TBC1D14: variants seen among roughly 807,000 people sequenced by gnomAD.
TBC1D14 encodes the protein TBC1 domain family member 14.
TBC1D14 carries 26 observed loss-of-function variants against 79.0 expected under a neutral mutation model. That is an observed-to-expected ratio of 0.33 (90% CI 0.24 to 0.46). The LOEUF is 0.46. Ranked by LOEUF, TBC1D14 falls within the 20% of genes least tolerant of loss-of-function variation. TBC1D14 has a pLI of 1.00. For synonymous variants in TBC1D14, 394 were observed against 349.9 expected (o/e 1.13, Z -1.40); for missense variants, 769 against 887.6 (o/e 0.87, Z 1.70).
chr4:6,959,025 A>G (rs1023877969), intron 2 of TBC1D14, among the ~76,000 whole-genome samples: 1 of 152,102 alleles, frequency 6.6e-6, no homozygotes, highest in Non-Finnish European at 1.5e-5. Flanking sequence ...CTGGGACTAC[A>G]GGCGCCTGCC....
At chr4:6,975,166 G>T (rs1044066893) in intron 3 of TBC1D14, among the ~76,000 whole-genome samples, 5 of 151,532 alleles carry the variant, frequency 3.3e-5, no homozygotes, top group Non-Finnish European at 7.4e-5. Context: ...CGCCCATCTT[G>T]GCCTCCCAAA....
At chr4:6,967,260 G>T in intron 2 of TBC1D14, 44 bp from the exon 3 acceptor site, 1 of 1,602,738 alleles carries the variant, frequency 6.2e-7, no homozygotes, top group South Asian at 1.1e-5. Flanking sequence ...GGTGTTTCTT[G>T]AATTACCCAG....
intron 2 of TBC1D14, among the ~76,000 whole-genome samples, chr4:6,955,338 C>T (rs909553746): frequency 6.6e-6 from 1 of 152,222 alleles, no homozygotes; most frequent in Non-Finnish European, 1.5e-5. Context: ...TATGTCCCTT[C>T]AGGAGGAAGC....
At chr4:6,959,131 C>T (rs1043551742) in intron 2 of TBC1D14, among the ~76,000 whole-genome samples, 26 of 152,090 alleles carry the variant, frequency 1.7e-4, no homozygotes, top group Admixed American at 1.6e-3. Context: ...GTGATCCGCC[C>T]GCCTCGGCCT....
chr4:6,988,544 C>T (rs1305499655), intron 3 of TBC1D14, among the ~76,000 whole-genome samples: 2 of 152,242 alleles, frequency 1.3e-5, no homozygotes, highest in Admixed American at 6.5e-5. Context: ...TAGTTCAAGT[C>T]AGTCTTTTGA....
At chr4:6,995,528 T>G (rs1718933040) in intron 4 of TBC1D14, 1 of 152,152 alleles carries the variant, frequency 6.6e-6, no homozygotes, top group South Asian at 2.1e-4. Context: ...TTTTTTTTTT[T>G]TTGAGATGGA....
Position 6,923,622 on chromosome 4 carries a change from C to A in TBC1D14, c.233C>A (p.Pro78His). 1 of 1,613,990 alleles carries A rather than the reference C, an allele frequency of 6.2e-7. No homozygotes were observed. Among genetic ancestry groups the A allele is most frequent in the South Asian group, 1.1e-5 (1 of 91,086 alleles). The change falls in exon 2 of 14, where the codon CCT (proline) becomes CAT (histidine). Residue 78 changes from proline (P) to histidine (H), a missense_variant. This residue lies in a region of TBC1D14 where 402 missense variants were observed against 393.2 expected (regional missense o/e 1.02). Transcript: ENST00000409757. ...IPTLEIGNPE[P>H]VPCSAVHVRR... ...ACCCTGGAGATCGGGAACCCGGAGC[C>A]TGTACCCTGCAGCGCGGTCCACGTG...
At chr4:7,018,453 C>A (rs1320776964) in intron 12 of TBC1D14, among the ~76,000 whole-genome samples, 1 of 152,256 alleles carries the variant, frequency 6.6e-6, no homozygotes, top group Non-Finnish European at 1.5e-5. Context: ...TCCACCCACT[C>A]TCTGAGGGTC....
intron 1 of TBC1D14, among the ~76,000 whole-genome samples, chr4:6,914,336 C>T (rs1723227552): frequency 6.6e-6 from 1 of 152,182 alleles, no homozygotes; most frequent in African/African-American, 2.4e-5. Flanking sequence ...CTGAAAGTTG[C>T]CACTCACCCT....
chr4:7,018,508 C>T (rs1050519258), intron 12 of TBC1D14, among the ~76,000 whole-genome samples: 8 of 152,238 alleles, frequency 5.3e-5, no homozygotes, highest in African/African-American at 1.9e-4. Flanking sequence ...CAAGAGTCAC[C>T]TCTGTGTCCC....
chr4:6,959,563 G>A (rs573771700), intron 2 of TBC1D14, among the ~76,000 whole-genome samples: 6 of 152,292 alleles, frequency 3.9e-5, no homozygotes, highest in South Asian at 2.1e-4. Flanking sequence ...GCAGGGGTTC[G>A]TGCAGAGCTG....
At chr4:7,016,785 C>T (rs1355171823) in intron 12 of TBC1D14, among the ~76,000 whole-genome samples, 1 of 152,218 alleles carries the variant, frequency 6.6e-6, no homozygotes, top group East Asian at 1.9e-4. Context: ...TCGTGATCCA[C>T]TGGCTGTTGT....
chr4:6,966,498 G>T (rs567225360), intron 2 of TBC1D14, among the ~76,000 whole-genome samples: 1 of 152,320 alleles, frequency 6.6e-6, no homozygotes, highest in South Asian at 2.1e-4. Flanking sequence ...GATTTACCTT[G>T]TACATAATTT....
intron 12 of TBC1D14, among the ~76,000 whole-genome samples, chr4:7,017,507 G>C (rs1173728138): frequency 6.6e-6 from 1 of 152,178 alleles, no homozygotes. Flanking sequence ...AGGTTCCAGA[G>C]ACAGGAATAG....
At chr4:6,937,303 G>C (rs1175349338) in intron 2 of TBC1D14, among the ~76,000 whole-genome samples, 1 of 152,224 alleles carries the variant, frequency 6.6e-6, no homozygotes, top group Admixed American at 6.5e-5. Flanking sequence ...AGGTTGGGAG[G>C]CGTAAGATCA....
In TBC1D14 at chr4:6,982,478, T is replaced by G. The variant is rs190695777; in HGVS notation, c.844-11706T>G. 2.3e-3 allele frequency among the ~76,000 whole-genome samples: 354 copies of G among 152,318 alleles called. 1 individual carries two copies. Among genetic ancestry groups the G allele is most frequent in the African/African-American group, 7.8e-3 (324 of 41,562 alleles). On this transcript the variant is annotated intron_variant, in intron 3 of 13. Coordinates refer to ENST00000409757, the MANE Select transcript of TBC1D14 (RefSeq NM_020773.3). ...CCGAGGGCTAACACAAAGGAGGTTTTGAGAGTGATCCAACTGTTTTATATC... is the reference window on the plus strand; with the variant it reads ...CCGAGGGCTAACACAAAGGAGGTTTGGAGAGTGATCCAACTGTTTTATATC...
At chr4:6,997,102 TC>T (rs1719137418) in intron 5 of TBC1D14, 1 of 152,292 alleles carries the variant, frequency 6.6e-6, no homozygotes, top group Admixed American at 6.5e-5. Context: ...GGTGTCCCCT[TC>T]CCCACTAGCA....
intron 7 of TBC1D14, among the ~76,000 whole-genome samples, chr4:7,002,200 G>C (rs1719743939): frequency 6.6e-6 from 1 of 152,182 alleles, no homozygotes; most frequent in South Asian, 2.1e-4. Flanking sequence ...AGAGGAACGT[G>C]GGGGCCCGGA....
intron 2 of TBC1D14, among the ~76,000 whole-genome samples, chr4:6,949,145 G>A (rs1713775876): frequency 6.6e-6 from 1 of 151,600 alleles, no homozygotes; most frequent in South Asian, 2.1e-4. Context: ...CTGCACTCCA[G>A]CCAGGGCAAC....
Sources: gnomAD v4.1 joint callset for allele counts (sites outside exome capture counted in the v4.1 genomes callset) on GRCh38, gnomAD v4.1.1 for gene constraint, gnomAD v4.1.1 regional missense constraint, MANE v1.5 for transcripts, NCBI Gene and HGNC (gene_info 2026-07-23, HGNC 2026-07-21) for gene names.